Variants in ST6GALNAC3 observed in about 807,000 individuals in gnomAD.
ST6GALNAC3 encodes alpha-N-acetylgalactosaminide alpha-2,6-sialyltransferase 3.
ST6GALNAC3 carries 25 observed loss-of-function variants against 32.7 expected under a neutral mutation model. That is an observed-to-expected ratio of 0.76 (90% CI 0.56 to 1.07). ST6GALNAC3 has a LOEUF of 1.07. Ranked by LOEUF, ST6GALNAC3 falls within the 50% of genes least tolerant of loss-of-function variation. The pLI, the probability that ST6GALNAC3 is intolerant of heterozygous loss-of-function variation, is 0.00. For missense variants in ST6GALNAC3, 355 were observed against 382.4 expected, an observed-to-expected ratio of 0.93 and a Z score of 0.60; for synonymous variants, 129 against 133.1, an observed-to-expected ratio of 0.97 and a Z score of 0.21.
chr1:76,501,634 A>G (rs551831987), intron 3 of ST6GALNAC3, among the ~76,000 whole-genome samples: 1 of 152,330 alleles, frequency 6.6e-6, no homozygotes, highest in Admixed American at 6.5e-5. Flanking sequence ...AACGAAAGAT[A>G]AAGAGGCAGG....
chr1:76,516,602 A>T (rs1394574335), intron 3 of ST6GALNAC3, among the ~76,000 whole-genome samples: 1 of 151,936 alleles, frequency 6.6e-6, no homozygotes, highest in Admixed American at 6.5e-5. Context: ...CTTAGATAAC[A>T]TCTGAGCTTG....
At chr1:76,266,506 G>A (rs962912690) in intron 1 of ST6GALNAC3, among the ~76,000 whole-genome samples, 7 of 152,152 alleles carry the variant, frequency 4.6e-5, no homozygotes, top group Non-Finnish European at 8.8e-5. Context: ...ATCAGATGTG[G>A]AATAAAGGCT....
chr1:76,297,643 G>A (rs1660482462), intron 1 of ST6GALNAC3, among the ~76,000 whole-genome samples: 1 of 151,980 alleles, frequency 6.6e-6, no homozygotes, highest in Non-Finnish European at 1.5e-5. Context: ...ATGAACAGTT[G>A]TCTCAACTAT....
At chr1:76,204,797 A>C (rs1654729726) in intron 1 of ST6GALNAC3, among the ~76,000 whole-genome samples, 1 of 152,288 alleles carries the variant, frequency 6.6e-6, no homozygotes, top group East Asian at 1.9e-4. Flanking sequence ...AGTCTCAAGA[A>C]AATCGAGTGA....
At chr1:76,533,745 T>A (rs1232424135) in intron 3 of ST6GALNAC3, among the ~76,000 whole-genome samples, 1 of 152,162 alleles carries the variant, frequency 6.6e-6, no homozygotes, top group African/African-American at 2.4e-5. Flanking sequence ...TCCCAGGATA[T>A]TTTTCCTTGG....
intron 1 of ST6GALNAC3, among the ~76,000 whole-genome samples, chr1:76,152,388 G>A (rs946148834): frequency 6.6e-6 from 1 of 152,210 alleles, no homozygotes; most frequent in Non-Finnish European, 1.5e-5. Context: ...AACATGTCCT[G>A]CCAGGTGGGT....
chr1:76,197,403 G>T (rs779379157), intron 1 of ST6GALNAC3, among the ~76,000 whole-genome samples: 1 of 151,784 alleles, frequency 6.6e-6, no homozygotes, highest in Non-Finnish European at 1.5e-5. Context: ...AAATCAACAG[G>T]CAATTATAAA....
intron 3 of ST6GALNAC3, among the ~76,000 whole-genome samples, chr1:76,491,196 AGCT>A (rs1660479094): frequency 6.6e-6 from 1 of 152,032 alleles, no homozygotes; most frequent in Non-Finnish European, 1.5e-5. Flanking sequence ...TGCCCTAGCT[AGCT>A]GCTATTTATA....
At chr1:76,503,904 G>T (rs563431468) in intron 3 of ST6GALNAC3, among the ~76,000 whole-genome samples, 9 of 152,214 alleles carry the variant, frequency 5.9e-5, no homozygotes, top group African/African-American at 2.2e-4. Flanking sequence ...CTAATGCATT[G>T]TCACTGTTGG....
At chr1:76,338,773 G>A (rs1205669570) in intron 2 of ST6GALNAC3, among the ~76,000 whole-genome samples, 2 of 146,602 alleles carry the variant, frequency 1.4e-5, no homozygotes, top group Admixed American at 7.1e-5. Context: ...CCCTATTCTA[G>A]GGCATTCCTA....
intron 1 of ST6GALNAC3, among the ~76,000 whole-genome samples, chr1:76,176,536 G>C (rs935661836): frequency 6.6e-6 from 1 of 152,194 alleles, no homozygotes; most frequent in African/African-American, 2.4e-5. Flanking sequence ...GTGACGTTCA[G>C]TTCAAAATAG....
At chr1:76,287,100 C>T (rs1167778593) in intron 1 of ST6GALNAC3, among the ~76,000 whole-genome samples, 5 of 152,218 alleles carry the variant, frequency 3.3e-5, no homozygotes, top group Non-Finnish European at 7.3e-5. Context: ...CTAGAACTAG[C>T]TCAGCCTTCC....
At chr1:76,413,324 C>G (rs1168860648) in intron 3 of ST6GALNAC3, among the ~76,000 whole-genome samples, 2 of 152,058 alleles carry the variant, frequency 1.3e-5, no homozygotes, top group Non-Finnish European at 2.9e-5. Context: ...ATATTGAAAC[C>G]AATAGCTAAA....
chr1:76,541,382 A>G (rs1663980336), intron 3 of ST6GALNAC3, among the ~76,000 whole-genome samples: 1 of 152,172 alleles, frequency 6.6e-6, no homozygotes, highest in African/African-American at 2.4e-5. Context: ...GCTGTTTCTT[A>G]GAGGCTCAGC....
intron 2 of ST6GALNAC3, among the ~76,000 whole-genome samples, chr1:76,372,171 G>A (rs569523668): frequency 1.3e-4 from 20 of 152,260 alleles, no homozygotes; most frequent in African/African-American, 4.6e-4. Context: ...AGGAAGCAGA[G>A]ACAGCAGCTT....
intron 1 of ST6GALNAC3, among the ~76,000 whole-genome samples, chr1:76,128,664 A>G (rs189841976): frequency 1.3e-5 from 2 of 152,314 alleles, no homozygotes; most frequent in East Asian, 1.9e-4. Context: ...GAGTGCTTCC[A>G]TAGTCACCAC....
At chr1:76,525,664 T>C (rs1174751780) in intron 3 of ST6GALNAC3, among the ~76,000 whole-genome samples, 1 of 151,458 alleles carries the variant, frequency 6.6e-6, no homozygotes, top group Non-Finnish European at 1.5e-5. Flanking sequence ...CTTCACATTC[T>C]GGTCTTCTCC....
intron 2 of ST6GALNAC3, among the ~76,000 whole-genome samples, chr1:76,386,834 A>T (rs146007730): frequency 3.3e-5 from 5 of 152,320 alleles, no homozygotes; most frequent in African/African-American, 1.2e-4. Flanking sequence ...CCAGCAAAAG[A>T]AAATCTTATC....
At chr1:76,188,582 G>C (rs1429773600) in intron 1 of ST6GALNAC3, among the ~76,000 whole-genome samples, 1 of 152,014 alleles carries the variant, frequency 6.6e-6, no homozygotes. Context: ...TGGGAGTTAG[G>C]GGCACTGATC....
Sources: allele counts gnomAD v4.1 joint callset (sites outside exome capture counted in the v4.1 genomes callset), GRCh38; gene constraint gnomAD v4.1.1; transcripts MANE v1.5; gene names NCBI Gene and HGNC (gene_info 2026-07-23, HGNC 2026-07-21).